Variants in ZNF804B observed in about 807,000 individuals in gnomAD.
The protein encoded by ZNF804B is zinc finger protein 804B, also known as zinc finger 804B.
Under a neutral mutation model 101.4 loss-of-function variants are expected in ZNF804B, and 80 were observed. The ratio of observed to expected loss-of-function variants is 0.79; its 90% CI spans 0.66 to 0.95. The LOEUF (loss-of-function observed/expected upper bound fraction) is 0.95, where lower values mean the gene tolerates loss of function less well. Among genes scored for constraint, ZNF804B ranks in the 40% least tolerant of loss-of-function variants. The probability of loss-of-function intolerance (pLI) is 0.00; values close to 1 mark genes in which losing one functional copy is unlikely to be tolerated. For synonymous variants in ZNF804B, 622 were observed against 558.8 expected (o/e 1.11, Z -1.59); for missense variants, 1,673 against 1,561.9 (o/e 1.07, Z -1.20).
chr7:89,084,929 T>C (rs896087575), intron 1 of ZNF804B, among the ~76,000 whole-genome samples: 1 of 151,962 alleles, frequency 6.6e-6, no homozygotes, highest in African/African-American at 2.4e-5. Flanking sequence ...AACTGCAGCA[T>C]GACAATTTCT....
intron 2 of ZNF804B, among the ~76,000 whole-genome samples, chr7:89,287,934 GA>G (rs3061224): frequency 6.7e-6 from 1 of 148,998 alleles, no homozygotes; most frequent in African/African-American, 2.5e-5. Context: ...AGATTTTCAG[GA>G]AAAAAAAAAC....
intron 1 of ZNF804B, among the ~76,000 whole-genome samples, chr7:89,148,195 A>G (rs1000718025): frequency 2.6e-5 from 4 of 152,098 alleles, no homozygotes; most frequent in African/African-American, 9.7e-5. Context: ...TCATCTGCAC[A>G]AGGTATATAA....
At chr7:89,051,822 C>T (rs1336422000) in intron 1 of ZNF804B, among the ~76,000 whole-genome samples, 2 of 152,132 alleles carry the variant, frequency 1.3e-5, no homozygotes, top group Non-Finnish European at 2.9e-5. Context: ...CTGTCTTCCA[C>T]ATCTCTTACC....
At chr7:89,107,696 G>A (rs1259079533) in intron 1 of ZNF804B, among the ~76,000 whole-genome samples, 1 of 152,094 alleles carries the variant, frequency 6.6e-6, no homozygotes, top group African/African-American at 2.4e-5. Context: ...GAATCTGGGT[G>A]GCTTGAAAAG....
chr7:88,975,246 G>T (rs1202121469), intron 1 of ZNF804B, among the ~76,000 whole-genome samples: 3 of 151,362 alleles, frequency 2.0e-5, no homozygotes, highest in Non-Finnish European at 3.0e-5. Flanking sequence ...ACATGGGAGG[G>T]CAGATGTCTC....
At chr7:88,760,342 CTGAA>C (rs1363893938) in intron 1 of ZNF804B, among the ~76,000 whole-genome samples, 4 of 152,166 alleles carry the variant, frequency 2.6e-5, no homozygotes, top group African/African-American at 9.7e-5. Context: ...TAAATACTTA[CTGAA>C]TGCAGTCAAC....
At chr7:88,921,141 G>T (rs1439993942) in intron 1 of ZNF804B, among the ~76,000 whole-genome samples, 1 of 152,054 alleles carries the variant, frequency 6.6e-6, no homozygotes, top group Non-Finnish European at 1.5e-5. Context: ...GTGAGTGTGA[G>T]GTGGAAGGAT....
chr7:89,197,551 A>G (rs1471625668), intron 1 of ZNF804B, among the ~76,000 whole-genome samples: 11 of 151,846 alleles, frequency 7.2e-5, no homozygotes, highest in Non-Finnish European at 2.9e-5. Context: ...TATATACTAT[A>G]AGAGTTTTCA....
chr7:89,179,280 G>A (rs1447367965), intron 1 of ZNF804B, among the ~76,000 whole-genome samples: 1 of 151,834 alleles, frequency 6.6e-6, no homozygotes, highest in African/African-American at 2.4e-5. Flanking sequence ...CCACTGTAAG[G>A]CCAATAACTT....
chr7:89,033,915 G>A (rs1273608219), intron 1 of ZNF804B, among the ~76,000 whole-genome samples: 1 of 151,790 alleles, frequency 6.6e-6, no homozygotes, highest in African/African-American at 2.4e-5. Context: ...ATCATTTATT[G>A]CATCATTTTT....
intron 1 of ZNF804B, among the ~76,000 whole-genome samples, chr7:89,087,779 T>C (rs1488488051): frequency 6.6e-6 from 1 of 151,922 alleles, no homozygotes; most frequent in South Asian, 2.1e-4. Flanking sequence ...TTCCCAAATC[T>C]TTCATTGCTT....
intron 1 of ZNF804B, among the ~76,000 whole-genome samples, chr7:88,971,954 C>T (rs754668851): frequency 6.6e-6 from 1 of 151,254 alleles, no homozygotes; most frequent in Non-Finnish European, 1.5e-5. Context: ...TCCAGTTTAC[C>T]AGAGTTGTAG....
intron 1 of ZNF804B, among the ~76,000 whole-genome samples, chr7:89,113,537 A>G (rs1172201496): frequency 6.6e-6 from 1 of 152,128 alleles, no homozygotes; most frequent in Non-Finnish European, 1.5e-5. Flanking sequence ...TAGGGAGGGT[A>G]TTTTGTAATC....
intron 2 of ZNF804B, among the ~76,000 whole-genome samples, chr7:89,256,237 G>T (rs1789630165): frequency 6.6e-6 from 1 of 152,006 alleles, no homozygotes; most frequent in South Asian, 2.1e-4. Flanking sequence ...TAAAAAATTG[G>T]AAACCACTCA....
chr7:88,970,859 C>A (rs953711917), intron 1 of ZNF804B, among the ~76,000 whole-genome samples: 8 of 150,180 alleles, frequency 5.3e-5, no homozygotes, highest in African/African-American at 1.5e-4. Flanking sequence ...AGGAGGTATA[C>A]CTAACGCTAA....
At chr7:88,807,489 T>C (rs1209490274) in intron 1 of ZNF804B, among the ~76,000 whole-genome samples, 3 of 152,204 alleles carry the variant, frequency 2.0e-5, no homozygotes, top group Non-Finnish European at 4.4e-5. Flanking sequence ...CTGAATACTT[T>C]ATAACCTCTA....
chr7:88,943,581 C>A (rs1362676802), intron 1 of ZNF804B, among the ~76,000 whole-genome samples: 1 of 151,752 alleles, frequency 6.6e-6, no homozygotes, highest in Non-Finnish European at 1.5e-5. Context: ...TGTTTTCTTG[C>A]TTAGTTTAGT....
At chr7:88,789,686 T>C (rs1790350703) in intron 1 of ZNF804B, among the ~76,000 whole-genome samples, 1 of 152,252 alleles carries the variant, frequency 6.6e-6, no homozygotes, top group African/African-American at 2.4e-5. Flanking sequence ...AATTATTTAA[T>C]ACAATATGAA....
chr7:89,253,234 A>G (rs922455081), intron 2 of ZNF804B, among the ~76,000 whole-genome samples: 1 of 152,166 alleles, frequency 6.6e-6, no homozygotes, highest in African/African-American at 2.4e-5. Context: ...GTATTTTTAT[A>G]AACAAGAGAG....
Sources: allele counts gnomAD v4.1 joint callset (sites outside exome capture counted in the v4.1 genomes callset), GRCh38; gene constraint gnomAD v4.1.1; transcripts MANE v1.5; gene names NCBI Gene and HGNC (gene_info 2026-07-23, HGNC 2026-07-21).